The following SLC25A26 variants were observed in gnomAD, a reference collection of about 807,000 sequenced individuals.
SLC25A26 encodes mitochondrial S-adenosylmethionine carrier protein.
A neutral mutation model predicts 37.8 loss-of-function variants in SLC25A26; 36 were observed. The ratio of observed to expected loss-of-function variants is 0.95; its 90% CI spans 0.73 to 1.26. The LOEUF (loss-of-function observed/expected upper bound fraction) is 1.26. Ranked by LOEUF, SLC25A26 falls within the 50% of genes most tolerant of loss-of-function variation. SLC25A26 has a pLI of 0.00. For missense variants in SLC25A26, 390 were observed against 331.1 expected (o/e 1.18, Z -1.38); for synonymous variants, 129 against 122.5 (o/e 1.05, Z -0.35).
intron 3 of SLC25A26, among the ~76,000 whole-genome samples, chr3:66,261,118 C>T (rs777677700): frequency 1.3e-4 from 20 of 152,224 alleles, no homozygotes; most frequent in Admixed American, 2.0e-4. Flanking sequence ...CTTCCTGTCT[C>T]GGCTTCCCGA....
rs529641052 is a variant in SLC25A26 at position 66,230,697 on chromosome 3, T to C, written c.34-5847T>C. Among the ~76,000 whole-genome samples, 46 of 149,532 alleles carry C rather than the reference T, an allele frequency of 3.1e-4. No homozygotes were observed. The East Asian group carries it at 5.6e-3, about 18-fold the overall frequency. ...GCTCACGCCTGTAATCCCAGCTACT[T>C]GGTAGGCTGAGGCGGGAGAATCAAT... is the stretch of plus-strand genomic sequence containing the variant. On this transcript the variant is annotated intron_variant, in intron 1 of 9. Transcript: ENST00000354883.
At chr3:66,318,452 CG>C (rs1282789519) in intron 5 of SLC25A26, among the ~76,000 whole-genome samples, 1 of 152,176 alleles carries the variant, frequency 6.6e-6, no homozygotes, top group East Asian at 1.9e-4. Context: ...GTGAAGCTCC[CG>C]GGTGGGCCCT....
intron 3 of SLC25A26, among the ~76,000 whole-genome samples, chr3:66,248,871 A>AT (rs1449316869): frequency 6.6e-6 from 1 of 152,178 alleles, no homozygotes; most frequent in Non-Finnish European, 1.5e-5. Context: ...ACAAATGGGG[A>AT]TTTTTGGAGA....
chr3:66,287,766 G>T (rs2074563712), intron 5 of SLC25A26, among the ~76,000 whole-genome samples: 1 of 152,182 alleles, frequency 6.6e-6, no homozygotes, highest in African/African-American at 2.4e-5. Context: ...GAGTTGCTAA[G>T]ATTACTGTTT....
intron 5 of SLC25A26, among the ~76,000 whole-genome samples, chr3:66,316,361 C>T (rs2075539100): frequency 1.3e-5 from 2 of 152,124 alleles, no homozygotes; most frequent in Admixed American, 6.5e-5. Flanking sequence ...TTTTATTTCT[C>T]CTTTGCTTAT....
intron 7 of SLC25A26, among the ~76,000 whole-genome samples, chr3:66,368,892 G>C (rs1700180141): frequency 6.6e-6 from 1 of 151,934 alleles, no homozygotes; most frequent in Non-Finnish European, 1.5e-5. Context: ...GTGGTGCGCA[G>C]CTGTAGTCCC....
At chr3:66,261,230 G>T (rs2073517160) in intron 3 of SLC25A26, among the ~76,000 whole-genome samples, 1 of 152,184 alleles carries the variant, frequency 6.6e-6, no homozygotes, top group African/African-American at 2.4e-5. Context: ...TTAAATACAG[G>T]ACTTTCATTA....
rs139938305 is a variant in SLC25A26 at position 66,156,370 on chromosome 3, A to T, written c.-354+22386A>T. On this transcript the variant is annotated intron_variant, in intron 1 of 10. Transcript: ENST00000676754. Reference sequence around the variant, plus strand: ...CAAGTCAACATTCCAACAAACAAGTATATGAGCAACAGAGCTTCATTTCTC... The same window carrying T: ...CAAGTCAACATTCCAACAAACAAGTTTATGAGCAACAGAGCTTCATTTCTC... 4.7e-4 allele frequency among the ~76,000 whole-genome samples: 71 copies of T among 152,322 alleles called. No homozygotes were observed. In the East Asian group the frequency reaches 0.013, roughly 27 times the overall value.
Position 66,378,705 on chromosome 3 carries a change from A to C in SLC25A26, c.*898A>C, listed in dbSNP as rs552679578. 2.0e-5 allele frequency: 3 copies of C among 152,650 alleles called. No homozygotes were observed. Among genetic ancestry groups the C allele is most frequent in the Non-Finnish European group, 4.4e-5 (3 of 68,018 alleles). 9.5% of individuals were successfully genotyped at this position (152,650 alleles called of 1,614,324 possible). A position where few individuals can be genotyped will look rare whatever the true frequency, so the allele number is the denominator to read the frequency against. ...CCCTGGAGCAAACAAACAGTATGTG[A>C]TTTTGCTTCGCCTATTTTTTTTTTC... On this transcript the variant is annotated 3_prime_UTR_variant, in exon 10 of 10. Transcript: ENST00000354883.
At chr3:66,207,107 AT>A (rs1210662597) in intron 1 of SLC25A26, among the ~76,000 whole-genome samples, 1 of 150,754 alleles carries the variant, frequency 6.6e-6, no homozygotes, top group Non-Finnish European at 1.5e-5. Flanking sequence ...CTAATACGAT[AT>A]TTTCTTAGCT....
At chr3:66,367,201 C>G (rs2076842639) in intron 7 of SLC25A26, among the ~76,000 whole-genome samples, 1 of 152,194 alleles carries the variant, frequency 6.6e-6, no homozygotes, top group African/African-American at 2.4e-5. Context: ...GAGCCAGATG[C>G]TGTTCCAAAC....
At chr3:66,339,899 T>G (rs1013907399) in intron 5 of SLC25A26, among the ~76,000 whole-genome samples, 1 of 152,116 alleles carries the variant, frequency 6.6e-6, no homozygotes, top group African/African-American at 2.4e-5. Flanking sequence ...TTTTGTTGCC[T>G]TGCTTTTTGT....
intron 1 of SLC25A26, among the ~76,000 whole-genome samples, chr3:66,142,881 AG>A (rs2070056523): frequency 6.6e-6 from 1 of 152,088 alleles, no homozygotes; most frequent in Non-Finnish European, 1.5e-5. Flanking sequence ...CTCCCACCTC[AG>A]CCTCCTGAGT....
chr3:66,226,135 A>C (rs782284217), intron 1 of SLC25A26, among the ~76,000 whole-genome samples: 11 of 152,332 alleles, frequency 7.2e-5, no homozygotes, highest in African/African-American at 2.4e-4. Context: ...TGATAAAGAC[A>C]TACCCAAGAC....
intron 4 of SLC25A26, among the ~76,000 whole-genome samples, chr3:66,262,721 G>A (rs923286894): frequency 6.6e-6 from 1 of 152,154 alleles, no homozygotes; most frequent in African/African-American, 2.4e-5. Flanking sequence ...TTTTAGAAAA[G>A]TTATTTGTAA....
At chr3:66,190,511 C>A (rs1435731027) in intron 1 of SLC25A26, among the ~76,000 whole-genome samples, 2 of 152,174 alleles carry the variant, frequency 1.3e-5, no homozygotes, top group African/African-American at 4.8e-5. Flanking sequence ...TCACTACAAC[C>A]TCTGCCTCCT....
intron 5 of SLC25A26, among the ~76,000 whole-genome samples, chr3:66,286,707 T>C (rs1182437791): frequency 6.6e-6 from 1 of 152,274 alleles, no homozygotes; most frequent in East Asian, 1.9e-4. Flanking sequence ...GAGACAAGGG[T>C]GTTGCTCTGC....
At chr3:66,371,441 A>T in intron 9 of SLC25A26, 2 of 1,409,698 alleles carry the variant, frequency 1.4e-6, no homozygotes, top group Non-Finnish European at 9.3e-7. Context: ...TAAGGTTTTT[A>T]TAGGAGAGCA....
chr3:66,168,165 A>ATATATATGTATATATATACACG (rs1559558088), intron 1 of SLC25A26, among the ~76,000 whole-genome samples: 13 of 38,476 alleles, frequency 3.4e-4, no homozygotes, highest in African/African-American at 1.7e-3. Flanking sequence ...AAAAAAATAT[A>ATATATATGTATATATATACACG]TATATATATA....
Sources: gnomAD v4.1 joint callset for allele counts (sites outside exome capture counted in the v4.1 genomes callset) on GRCh38, gnomAD v4.1.1 for gene constraint, MANE v1.5 for transcripts, NCBI Gene and HGNC (gene_info 2026-07-23, HGNC 2026-07-21) for gene names.